ITGB3: variants seen among roughly 807,000 people sequenced by gnomAD.
ITGB3 encodes the protein integrin beta-3.
ITGB3 carries 48 observed loss-of-function variants against 85.8 expected under a neutral mutation model. The ratio of observed to expected loss-of-function variants is 0.56; its 90% confidence interval spans 0.44 to 0.71. The LOEUF (loss-of-function observed/expected upper bound fraction) is 0.71, where lower values mean the gene tolerates loss of function less well. Among genes scored for constraint, ITGB3 ranks in the 30% least tolerant of loss-of-function variants. ITGB3 has a pLI of 0.00. For synonymous variants in ITGB3, 363 were observed against 395.6 expected (o/e 0.92, Z 0.98); for missense variants, 861 against 1,019.1 (o/e 0.84, Z 2.11).
intron 1 of ITGB3, among the ~76,000 whole-genome samples, chr17:47,265,750 A>G (rs573827845): frequency 6.6e-6 from 1 of 152,308 alleles, no homozygotes; most frequent in Non-Finnish European, 1.5e-5. Flanking sequence ...TTATACACAA[A>G]TGTTTTCCAA....
At chr17:47,284,864 G>A (rs1291908887) in intron 4 of ITGB3, among the ~76,000 whole-genome samples, 169 bp downstream of exon 4, 2 of 152,154 alleles carry the variant, frequency 1.3e-5, no homozygotes, top group East Asian at 3.8e-4. Context: ...TTGTGGATCT[G>A]GAGTGTTGTG....
chr17:47,256,644 G>C (rs1270213332), intron 1 of ITGB3, among the ~76,000 whole-genome samples: 1 of 152,206 alleles, frequency 6.6e-6, no homozygotes, highest in African/African-American at 2.4e-5. Flanking sequence ...GTGGCACAGA[G>C]AGGTTGTCCC....
intron 1 of ITGB3, among the ~76,000 whole-genome samples, chr17:47,260,719 T>G (rs1380556937): frequency 1.3e-5 from 2 of 152,014 alleles, no homozygotes; most frequent in African/African-American, 2.4e-5. Flanking sequence ...TTCTGGGACT[T>G]CCACAAGTTG....
chr17:47,310,229 T>C lies in ITGB3; in HGVS notation c.*25T>C. The C allele has an allele frequency of 6.2e-7, 1 of 1,602,540 alleles. No homozygotes were observed. The highest frequency in any genetic ancestry group is 8.6e-7 in the Non-Finnish European group (1 of 1,169,562). The stretch of plus-strand genomic sequence containing the variant: ...ATGATAAGCAGTCATCCTCAGATCA[T>C]TATCAGCCTGTGCCACGATTGCAGG... On this transcript the variant is annotated 3_prime_UTR_variant, in exon 15 of 15. Coordinates refer to ENST00000559488, the MANE Select transcript of ITGB3 (RefSeq NM_000212.3).
At position 47,290,170 on chromosome 17, in the gene ITGB3, T is replaced by G; in HGVS notation, c.1036-15T>G. 1.2e-6 allele frequency: 2 copies of G among 1,608,568 alleles called. No homozygotes were observed. Among genetic ancestry groups the G allele is most frequent in the Non-Finnish European group, 1.7e-6 (2 of 1,174,952 alleles). On this transcript the variant is annotated splice_polypyrimidine_tract_variant and intron_variant, in intron 7 of 14. Transcript: ENST00000559488. ...TCCTTTGGTAAGCTCTGGACATCTT[T>G]GTTTTCCTTTCTAGAACTATAGTGA...
chr17:47,290,386 C>A, intron 8 of ITGB3, 112 bp downstream of exon 8: 1 of 906,742 alleles, frequency 1.1e-6, no homozygotes, highest in Non-Finnish European at 1.8e-6. Flanking sequence ...GGTCTTACTG[C>A]CTTCTCCGTG....
At chr17:47,288,206 A>AAGAGAGAGAGAGAGGG (rs2065110716) in intron 6 of ITGB3, among the ~76,000 whole-genome samples, 1 of 134,828 alleles carries the variant, frequency 7.4e-6, no homozygotes. Context: ...TTCTCTTAGA[A>AAGAGAGAGAGAGAGGG]AGAGAGAGAG....
At chr17:47,282,150 G>T (rs1273861821) in intron 2 of ITGB3, among the ~76,000 whole-genome samples, 2 of 151,962 alleles carry the variant, frequency 1.3e-5, no homozygotes, top group African/African-American at 2.4e-5. Context: ...GGTTTCACTA[G>T]GTTGGCCAGG....
At chr17:47,297,147 GA>G (rs1482726993) in intron 10 of ITGB3, among the ~76,000 whole-genome samples, 1 of 152,130 alleles carries the variant, frequency 6.6e-6, no homozygotes, top group Non-Finnish European at 1.5e-5. Flanking sequence ...GTAAGTTAGA[GA>G]CATCTTCTGG....
Position 47,253,924 on chromosome 17 carries a change from G to T in ITGB3, c.63G>T (p.Ala21=). The change falls in exon 1 of 15, where the codon GCG becomes GCT. Residue 21 remains alanine (A), a synonymous_variant. Transcript: ENST00000559488. ...WATVLALGAL[A]GVGVGGPNIC... is the part of the protein sequence containing the mutation. The stretch of plus-strand genomic sequence containing the variant: ...CTGTGCTGGCGCTGGGGGCGCTGGC[G>T]GGCGTTGGCGTAGGAGGTGAGTGAG... The T allele has an allele frequency of 1.4e-6, 2 of 1,415,718 alleles. No individual in the cohort carries two copies. 87.7% of individuals were successfully genotyped at this position (1,415,718 alleles called of 1,614,324 possible).
intron 13 of ITGB3, among the ~76,000 whole-genome samples, chr17:47,306,975 C>T (rs971066201): frequency 1.2e-4 from 19 of 152,180 alleles, no homozygotes; most frequent in East Asian, 3.8e-4. Flanking sequence ...CCACCACACT[C>T]GGCTTTTTAT....
intron 1 of ITGB3, among the ~76,000 whole-genome samples, chr17:47,258,520 G>C (rs1338411968): frequency 6.7e-6 from 1 of 149,652 alleles, no homozygotes; most frequent in Non-Finnish European, 1.5e-5. Context: ...TATGAATTTT[G>C]ACAAATGCAT....
rs1432820732 is a variant in ITGB3, at chr17:47,300,559, T to C, written c.1995T>C (p.Ile665=). 1 of 1,613,908 alleles carries C rather than the reference T, an allele frequency of 6.2e-7. No homozygotes were observed. The highest frequency in any genetic ancestry group is 1.7e-5 in the Admixed American group (1 of 60,010). The change falls in exon 12 of 15, where the codon ATT becomes ATC. Residue 665 remains isoleucine, a synonymous_variant. Transcript: ENST00000559488. ...GCAACCGTTACTGCCGTGACGAGAT[T>C]GAGTCAGTGAAAGAGCTTAGTAAGT... ...NTCNRYCRDE[I]ESVKELKDTG...
rs111379227 is a variant in ITGB3 at position 47,275,974 on chromosome 17, T to G, written c.165+1470T>G. Reference sequence around the variant, plus strand: ...TCCTTATTCACTATGTCCTCCTTCCTCCCATCGTGATATTACTAAAGCTTC... The same window carrying G: ...TCCTTATTCACTATGTCCTCCTTCCGCCCATCGTGATATTACTAAAGCTTC... On this transcript the variant is annotated intron_variant, in intron 2 of 14. Coordinates refer to ENST00000559488, the MANE Select transcript of ITGB3 (RefSeq NM_000212.3). Among the ~76,000 whole-genome samples, 820 of 152,238 alleles carry G rather than the reference T, an allele frequency of 5.4e-3. 1 individual carries two copies. The highest frequency in any genetic ancestry group is 9.2e-3 in the Non-Finnish European group (629 of 68,002).
chr17:47,277,243 C>T (rs1399114424), intron 2 of ITGB3, among the ~76,000 whole-genome samples: 2 of 152,154 alleles, frequency 1.3e-5, no homozygotes, highest in Non-Finnish European at 2.9e-5. Flanking sequence ...TCTAGAACCT[C>T]CCAAACTCAT....
intron 6 of ITGB3, among the ~76,000 whole-genome samples, chr17:47,288,899 G>A (rs1045813401): frequency 3.9e-5 from 6 of 152,204 alleles, no homozygotes; most frequent in East Asian, 1.9e-4. Context: ...GTGGCTATAC[G>A]TATCCAAGGG....
intron 1 of ITGB3, among the ~76,000 whole-genome samples, chr17:47,267,036 A>G (rs1334351630): frequency 6.6e-6 from 1 of 152,216 alleles, no homozygotes; most frequent in Non-Finnish European, 1.5e-5. Context: ...CATCAAGGAA[A>G]AAAAAGTATT....
rs1176475765 is a variant in ITGB3, at chr17:47,265,003, G to A, written c.80-9416G>A. Among the ~76,000 whole-genome samples, 3 of 152,330 alleles carry A rather than the reference G, an allele frequency of 2.0e-5. No homozygotes were observed. In the South Asian group the frequency reaches 6.2e-4, roughly 32 times the overall value. On this transcript the variant is annotated intron_variant, in intron 1 of 14. Transcript: ENST00000559488. ...AGCAGGGGCTTTGTTTAGTTTATCA[G>A]TGTGTCTCCAGTGCCTAGGAGAGTG...
intron 1 of ITGB3, among the ~76,000 whole-genome samples, chr17:47,266,020 A>G (rs2065023905): frequency 6.6e-6 from 1 of 152,238 alleles, no homozygotes; most frequent in Admixed American, 6.5e-5. Flanking sequence ...CAAAATTAAA[A>G]TAAACTTTCT....
Sources: gnomAD v4.1 joint callset for allele counts (sites outside exome capture counted in the v4.1 genomes callset) on GRCh38, gnomAD v4.1.1 for gene constraint, MANE v1.5 for transcripts, NCBI Gene and HGNC (gene_info 2026-07-23, HGNC 2026-07-21) for gene names.